AKR1E2: variants seen among roughly 807,000 people sequenced by gnomAD.
The protein encoded by AKR1E2 is 1,5-anhydro-D-fructose reductase.
AKR1E2 carries 43 observed loss-of-function variants against 41.9 expected under a neutral mutation model. The observed-to-expected ratio is 1.03, with a 90% CI of 0.80 to 1.32. AKR1E2 has a LOEUF of 1.32. Ranked by LOEUF, AKR1E2 falls within the 40% of genes most tolerant of loss-of-function variation. The pLI is 0.00. For synonymous variants in AKR1E2, 121 were observed against 138.9 expected (o/e 0.87, Z 0.91); for missense variants, 423 against 396.5 (o/e 1.07, Z -0.57).
At chr10:4,861,137 C>G in the AKR1E2 span, among the ~76,000 whole-genome samples, 14 of 152,108 alleles carry the variant, frequency 9.2e-5, no homozygotes, top group African/African-American at 3.4e-4. Flanking sequence ...AACACTCTAT[C>G]CAAAACTTTT....
rs3750737 is a variant in AKR1E2, at chr10:4,830,495, T to G, written c.40-180T>G. On this transcript the variant is annotated intron_variant, in intron 1 of 9. Coordinates refer to ENST00000298375, the MANE Select transcript of AKR1E2 (RefSeq NM_001040177.3). Reference sequence around the variant, plus strand: ...CCAAAATATGTAAAGGAGTTGGAACTTAGATTATTCATAAATTCCTTCATA... The same window carrying G: ...CCAAAATATGTAAAGGAGTTGGAACGTAGATTATTCATAAATTCCTTCATA... 0.035 allele frequency among the ~76,000 whole-genome samples: 5,307 copies of G among 152,296 alleles called. 150 individuals carry two copies. The highest frequency in any genetic ancestry group is 0.11 in the East Asian group (595 of 5,180).
chr10:4,847,730 C>T lies in AKR1E2; in HGVS notation c.*200C>T, dbSNP rs1023509634. On this transcript the variant is annotated 3_prime_UTR_variant, in exon 10 of 10. Transcript: ENST00000298375. ...CTAAGTGAAGGCAATGGGGTTTCTC[C>T]AAGACAGCCTGTGTGGCCTCTACTC... The T allele has an allele frequency of 1.8e-5, 11 of 609,516 alleles. No homozygotes were observed. Among genetic ancestry groups the T allele is most frequent in the African/African-American group, 1.7e-4 (9 of 53,810 alleles). The allele number at this position is 609,516 out of a possible 1,614,324, so 37.8% of individuals were successfully genotyped here.
At chr10:4,827,090 A>AAAAG (rs1554753027) in intron 1 of AKR1E2, among the ~76,000 whole-genome samples, 23 of 151,446 alleles carry the variant, frequency 1.5e-4, no homozygotes, top group African/African-American at 5.6e-4. Context: ...AAAAAAAAAA[A>AAAAG]AAAGAAAAAA....
chr10:4,854,388 G>A, the AKR1E2 span, among the ~76,000 whole-genome samples: 2 of 152,066 alleles, frequency 1.3e-5, no homozygotes, highest in Non-Finnish European at 2.9e-5. Flanking sequence ...CACCGCACCT[G>A]GCCTACTCCT....
chr10:4,867,059 CAAG>C, the AKR1E2 span, among the ~76,000 whole-genome samples: 1 of 152,144 alleles, frequency 6.6e-6, no homozygotes, highest in Non-Finnish European at 1.5e-5. Context: ...AGTCCCCAGG[CAAG>C]AAGGAGGTCT....
At chr10:4,836,975 T>C (rs1166632406) in intron 4 of AKR1E2, among the ~76,000 whole-genome samples, 1 of 152,068 alleles carries the variant, frequency 6.6e-6, no homozygotes, top group Non-Finnish European at 1.5e-5. Flanking sequence ...TGTCTTAAAA[T>C]AGTAAGTGGA....
rs571973964 is a variant in AKR1E2 at position 4,847,698 on chromosome 10, G to A, written c.*168G>A. The A allele has an allele frequency of 1.3e-4, 97 of 754,958 alleles. No homozygotes were observed. In the African/African-American group the frequency reaches 1.5e-3, roughly 12 times the overall value. 46.8% of individuals were successfully genotyped at this position (754,958 alleles called of 1,614,324 possible). On this transcript the variant is annotated 3_prime_UTR_variant, in exon 10 of 10. Transcript: ENST00000298375. ...TTCTCTGACAAATCTGGAGAATTGA[G>A]TGTGTTCTAAGTGAAGGCAATGGGG... is the stretch of plus-strand genomic sequence containing the variant.
chr10:4,828,927 G>A (rs12571980), intron 1 of AKR1E2, among the ~76,000 whole-genome samples: 5,396 of 152,196 alleles, frequency 0.035, 150 homozygotes, highest in East Asian at 0.11. Flanking sequence ...AAACTGTACT[G>A]TTATTTCTGT....
rs748695360 is a variant in AKR1E2, at chr10:4,836,439, C to T, written c.459+630C>T. On this transcript the variant is annotated intron_variant, in intron 4 of 9. Transcript: ENST00000298375. Reference sequence around the variant, plus strand: ...CTGGGGTGGGTCTCAGGCTTGGGCTCCAGCATGGCTGACCGAGCACGTGTG... The same window carrying T: ...CTGGGGTGGGTCTCAGGCTTGGGCTTCAGCATGGCTGACCGAGCACGTGTG... Among the ~76,000 whole-genome samples, 7 of 152,306 alleles carry T rather than the reference C, an allele frequency of 4.6e-5. No individual in the cohort carries two copies. In the East Asian group the frequency reaches 5.8e-4, roughly 13 times the overall value.
the AKR1E2 span, among the ~76,000 whole-genome samples, chr10:4,854,242 T>C: frequency 6.6e-5 from 10 of 152,016 alleles, no homozygotes; most frequent in Non-Finnish European, 1.5e-4. Flanking sequence ...TACAGGTGCA[T>C]GCCACCACAT....
chr10:4,860,400 G>A, the AKR1E2 span, among the ~76,000 whole-genome samples: 1 of 152,120 alleles, frequency 6.6e-6, no homozygotes, highest in Non-Finnish European at 1.5e-5. Flanking sequence ...AATCTATGTG[G>A]CAAGAGCCAG....
At chr10:4,854,885 G>C in the AKR1E2 span, among the ~76,000 whole-genome samples, 1 of 152,106 alleles carries the variant, frequency 6.6e-6, no homozygotes, top group Non-Finnish European at 1.5e-5. Context: ...AGTCTCTTTC[G>C]GCTAAGAATG....
chr10:4,827,534 C>G (rs1040804511), intron 1 of AKR1E2, among the ~76,000 whole-genome samples: 2 of 151,966 alleles, frequency 1.3e-5, no homozygotes, highest in African/African-American at 4.8e-5. Context: ...CCTTTCTCTG[C>G]TTTGAACTTC....
intron 3 of AKR1E2, 129 bp from the exon 4 acceptor site, chr10:4,835,546 C>A: frequency 8.4e-7 from 1 of 1,190,838 alleles, no homozygotes; most frequent in Non-Finnish European, 1.1e-6. Flanking sequence ...GAAGACTGGG[C>A]CTGGTCACAT....
At chr10:4,854,817 C>G in the AKR1E2 span, among the ~76,000 whole-genome samples, 1 of 152,176 alleles carries the variant, frequency 6.6e-6, no homozygotes, top group African/African-American at 2.4e-5. Context: ...GGCAAGGACA[C>G]TTGACTGACC....
chr10:4,831,484 CAA>C (rs1832966879), intron 2 of AKR1E2, among the ~76,000 whole-genome samples: 2 of 152,170 alleles, frequency 1.3e-5, no homozygotes, highest in South Asian at 4.1e-4. Context: ...TGGTAGCAGA[CAA>C]GAGAAAGTGT....
At chr10:4,827,939 CTG>C (rs1027944113) in intron 1 of AKR1E2, among the ~76,000 whole-genome samples, 13 of 152,120 alleles carry the variant, frequency 8.5e-5, no homozygotes, top group African/African-American at 3.1e-4. Context: ...TTAGTGAAAA[CTG>C]TGCTTAACAG....
intron 8 of AKR1E2, among the ~76,000 whole-genome samples, chr10:4,843,658 C>G (rs1484066541): frequency 6.6e-6 from 1 of 152,258 alleles, no homozygotes; most frequent in Non-Finnish European, 1.5e-5. Context: ...CCTGTGCCCT[C>G]AGGCTTGCTG....
intron 1 of AKR1E2, among the ~76,000 whole-genome samples, chr10:4,829,545 G>A (rs1164965917): frequency 6.6e-6 from 1 of 151,800 alleles, no homozygotes; most frequent in Admixed American, 6.6e-5. Flanking sequence ...GTGTTAAACT[G>A]AGATGATTTT....
Sources: gnomAD v4.1 joint callset for allele counts (sites outside exome capture counted in the v4.1 genomes callset) on GRCh38, gnomAD v4.1.1 for gene constraint, MANE v1.5 for transcripts, NCBI Gene and HGNC (gene_info 2026-07-23, HGNC 2026-07-21) for gene names.